RTTN: variants seen among roughly 807,000 people sequenced by gnomAD.
RTTN encodes rotatin.
In RTTN, 182 loss-of-function variants were observed where a neutral mutation model predicts 269.2. The ratio of observed to expected loss-of-function variants is 0.68; its 90% CI spans 0.60 to 0.76. The LOEUF (loss-of-function observed/expected upper bound fraction) is 0.76, where lower values mean the gene tolerates loss of function less well. Ranked by LOEUF, RTTN falls within the 30% of genes least tolerant of loss-of-function variation. RTTN has a pLI of 0.00. For missense variants in RTTN, 2,545 were observed against 2,608.6 expected (o/e 0.98, Z 0.53); for synonymous variants, 1,006 against 963.5 (o/e 1.04, Z -0.82).
chr18:70,126,499 A>G (rs549933928), intron 25 of RTTN, among the ~76,000 whole-genome samples: 1 of 152,118 alleles, frequency 6.6e-6, no homozygotes, highest in East Asian at 1.9e-4. Flanking sequence ...GAAGTTGTGA[A>G]GAGATGCACA....
chr18:70,058,109 A>G (rs777042937), intron 36 of RTTN, among the ~76,000 whole-genome samples: 7 of 152,264 alleles, frequency 4.6e-5, no homozygotes, highest in Non-Finnish European at 1.0e-4. Context: ...AGAATAAAAT[A>G]TAATACAGCC....
At chr18:70,016,522 C>T (rs1252236725) in intron 46 of RTTN, among the ~76,000 whole-genome samples, 1 of 152,162 alleles carries the variant, frequency 6.6e-6, no homozygotes, top group Admixed American at 6.5e-5. Flanking sequence ...CTGGAGCCCA[C>T]CTTCTGTTTT....
intron 43 of RTTN, among the ~76,000 whole-genome samples, chr18:70,027,222 T>A (rs570831903): frequency 6.6e-6 from 1 of 152,292 alleles, no homozygotes; most frequent in African/African-American, 2.4e-5. Flanking sequence ...CCTAATGTTA[T>A]GCATATGCAA....
chr18:70,139,173 G>T (rs1193853560), intron 21 of RTTN, among the ~76,000 whole-genome samples: 1 of 152,130 alleles, frequency 6.6e-6, no homozygotes, highest in Non-Finnish European at 1.5e-5. Context: ...ACTCACACAG[G>T]TTGAGCCTAT....
intron 17 of RTTN, among the ~76,000 whole-genome samples, chr18:70,148,006 C>T (rs532262671): frequency 5.8e-4 from 89 of 152,156 alleles, no homozygotes; most frequent in Non-Finnish European, 1.1e-3. Flanking sequence ...TTACTCTCTA[C>T]AATACAGAGA....
intron 10 of RTTN, among the ~76,000 whole-genome samples, chr18:70,178,753 G>A (rs1026303719): frequency 7.9e-5 from 12 of 151,956 alleles, no homozygotes; most frequent in Non-Finnish European, 1.3e-4. Flanking sequence ...AGTTCAATGA[G>A]TAGTAGAATT....
At chr18:70,134,345 G>A in intron 23 of RTTN, 128 bp downstream of exon 23, 1 of 702,428 alleles carries the variant, frequency 1.4e-6, no homozygotes, top group African/African-American at 1.8e-5. Flanking sequence ...CCATTGTGAA[G>A]GAACCATGAA....
chr18:70,020,912 A>T, intron 44 of RTTN, 95 bp from the exon 45 acceptor site: 1 of 1,015,768 alleles, frequency 9.8e-7, no homozygotes, highest in Non-Finnish European at 1.5e-6. Flanking sequence ...TAACAAAATG[A>T]CTAGGCCATT....
intron 40 of RTTN, among the ~76,000 whole-genome samples, chr18:70,046,251 G>A (rs1408141808): frequency 6.6e-6 from 1 of 152,102 alleles, no homozygotes; most frequent in East Asian, 1.9e-4. Flanking sequence ...TTGGTTGCAG[G>A]ACACCCACAG....
chr18:70,176,970 G>A, intron 10 of RTTN, 125 bp from the exon 11 acceptor site: 2 of 664,774 alleles, frequency 3.0e-6, no homozygotes, highest in East Asian at 3.0e-5. Flanking sequence ...AATCAAAACA[G>A]AATTTATTCC....
intron 28 of RTTN, among the ~76,000 whole-genome samples, chr18:70,102,618 T>C (rs2059200305): frequency 6.6e-6 from 1 of 152,190 alleles, no homozygotes; most frequent in African/African-American, 2.4e-5. Flanking sequence ...GTCATCATGA[T>C]GTTAGCTGGT....
intron 11 of RTTN, among the ~76,000 whole-genome samples, chr18:70,176,244 T>C (rs1211630150): frequency 7.3e-6 from 1 of 136,272 alleles, no homozygotes; most frequent in Non-Finnish European, 1.5e-5. Context: ...TATATGTATA[T>C]GTATATGTAT....
rs531741265 is a variant in RTTN, at chr18:70,086,694, T to TAAAAAA, written c.4303-16_4303-11dup. 12 of 487,820 alleles carry TAAAAAA rather than the reference T, an allele frequency of 2.5e-5. 1 individual carries two copies. In the African/African-American group the frequency reaches 3.7e-4, roughly 15 times the overall value. 30.2% of individuals were successfully genotyped at this position (487,820 alleles called of 1,614,324 possible). On this transcript the variant is annotated splice_polypyrimidine_tract_variant and intron_variant, in intron 31 of 48. Coordinates refer to ENST00000640769, the MANE Select transcript of RTTN (RefSeq NM_173630.4). ...GAAGAATAAATGCCGCCTGAAAATGTAAAAAAAAAAAAAAAAAAAAAAAAA... is the reference window on the plus strand; with the variant it reads ...GAAGAATAAATGCCGCCTGAAAATGTAAAAAAAAAAAAAAAAAAAAAAAAAAAAAAA...
chr18:70,120,227 GA>G, intron 26 of RTTN, among the ~76,000 whole-genome samples: 2 of 11,742 alleles, frequency 1.7e-4, no homozygotes, highest in Admixed American at 7.8e-3. Context: ...GGACTCTTCA[GA>G]GAGTCCCCAC....
intron 13 of RTTN, chr18:70,166,448 T>G (rs1328124157): frequency 3.6e-6 from 1 of 274,516 alleles, no homozygotes; most frequent in Non-Finnish European, 6.7e-6. Context: ...CATCACAGAA[T>G]TTATTCTTTC....
intron 46 of RTTN, among the ~76,000 whole-genome samples, chr18:70,009,827 AGGAGACCCATCTCGT>A (rs1190612703): frequency 3.3e-5 from 5 of 152,198 alleles, no homozygotes; most frequent in African/African-American, 1.2e-4. Flanking sequence ...TGCTGTATTC[AGGAGACCCATCTCGT>A]GCAAAGACAC....
intron 11 of RTTN, among the ~76,000 whole-genome samples, chr18:70,171,503 C>T (rs1252823356): frequency 2.0e-5 from 3 of 152,202 alleles, no homozygotes; most frequent in Admixed American, 1.3e-4. Context: ...GTATTTGAAA[C>T]TCTTGCTATC....
intron 43 of RTTN, among the ~76,000 whole-genome samples, chr18:70,027,234 C>T (rs768565611): frequency 6.6e-6 from 1 of 152,164 alleles, no homozygotes; most frequent in African/African-American, 2.4e-5. Flanking sequence ...CATATGCAAA[C>T]AGCAGGGTGG....
intron 40 of RTTN, among the ~76,000 whole-genome samples, chr18:70,047,535 A>T (rs1391096736): frequency 6.6e-6 from 1 of 152,198 alleles, no homozygotes; most frequent in Non-Finnish European, 1.5e-5. Flanking sequence ...AAGTCCACTT[A>T]CCTATACATG....
Sources: allele counts gnomAD v4.1 joint callset (sites outside exome capture counted in the v4.1 genomes callset), GRCh38; gene constraint gnomAD v4.1.1; transcripts MANE v1.5; gene names NCBI Gene and HGNC (gene_info 2026-07-23, HGNC 2026-07-21).